Variants in ADGRL3 observed in about 807,000 individuals in gnomAD.
The protein encoded by ADGRL3 is adhesion G protein-coupled receptor L3, also known as calcium-independent alpha-latrotoxin receptor 3.
In ADGRL3, 62 loss-of-function variants were observed where a neutral mutation model predicts 153.5. The ratio of observed to expected loss-of-function variants is 0.40; its 90% CI spans 0.33 to 0.50. ADGRL3 has a LOEUF of 0.50. ADGRL3 is among the 20% of genes least tolerant of loss of function. The probability of loss-of-function intolerance (pLI) is 0.47; values close to 1 mark genes in which losing one functional copy is unlikely to be tolerated. For synonymous variants in ADGRL3, 710 were observed against 672.5 expected, an observed-to-expected ratio of 1.06 and a Z score of -0.86; for missense variants, 1,641 against 1,859.4, an observed-to-expected ratio of 0.88 and a Z score of 2.16.
At chr4:62,044,590 T>A in intron 25 of ADGRL3, 41 bp downstream of exon 25, 1 of 1,336,742 alleles carries the variant, frequency 7.5e-7, no homozygotes, top group Non-Finnish European at 1.0e-6. Context: ...CTTTTCTGAT[T>A]ACTTTAAGAA....
chr4:62,063,613 T>A (rs988117424), intron 25 of ADGRL3: 3 of 698,660 alleles, frequency 4.3e-6, no homozygotes, highest in Non-Finnish European at 7.8e-6. Context: ...AACCCTTCTG[T>A]CAGCATGTAC....
intron 2 of ADGRL3, among the ~76,000 whole-genome samples, chr4:61,437,416 G>A (rs1014543684): frequency 2.0e-5 from 3 of 152,044 alleles, no homozygotes; most frequent in African/African-American, 7.2e-5. Flanking sequence ...TATTTCCTTG[G>A]CCAGGATAAA....
intron 6 of ADGRL3, among the ~76,000 whole-genome samples, chr4:61,691,323 C>CA (rs2095535870): frequency 6.6e-6 from 1 of 152,026 alleles, no homozygotes; most frequent in Non-Finnish European, 1.5e-5. Flanking sequence ...AGCTGTTTAC[C>CA]AAAAATCCCA....
chr4:61,889,755 A>T (rs2098558860), intron 9 of ADGRL3, among the ~76,000 whole-genome samples: 1 of 152,164 alleles, frequency 6.6e-6, no homozygotes, highest in African/African-American at 2.4e-5. Context: ...GCAAGCAAAA[A>T]TCTTGTGGTG....
At chr4:61,595,729 G>A (rs2098986374) in intron 5 of ADGRL3, among the ~76,000 whole-genome samples, 1 of 152,066 alleles carries the variant, frequency 6.6e-6, no homozygotes, top group African/African-American at 2.4e-5. Flanking sequence ...CCTAGCACTA[G>A]GAATTGCAGT....
chr4:61,997,394 C>A (rs1581802205), intron 20 of ADGRL3, among the ~76,000 whole-genome samples: 1 of 152,040 alleles, frequency 6.6e-6, no homozygotes, highest in African/African-American at 2.4e-5. Flanking sequence ...TAACAACCTT[C>A]ATTTTGCAGA....
chr4:61,291,830 T>C (rs967571335), intron 1 of ADGRL3, among the ~76,000 whole-genome samples: 5 of 147,474 alleles, frequency 3.4e-5, no homozygotes, highest in African/African-American at 1.3e-4. Flanking sequence ...AAGAGTGTAA[T>C]TATTATCACA....
chr4:61,607,549 G>A (rs1351964825), intron 5 of ADGRL3, among the ~76,000 whole-genome samples: 5 of 152,026 alleles, frequency 3.3e-5, no homozygotes, highest in East Asian at 3.9e-4. Context: ...GCAGTGAGCC[G>A]AGATTGCATC....
chr4:61,836,611 C>A (rs1332537222), intron 9 of ADGRL3, among the ~76,000 whole-genome samples: 2 of 151,956 alleles, frequency 1.3e-5, no homozygotes, highest in Non-Finnish European at 2.9e-5. Flanking sequence ...ATGTAAAACC[C>A]AAATGTCTTC....
chr4:61,640,781 T>C (rs1289441837), intron 5 of ADGRL3, among the ~76,000 whole-genome samples: 1 of 152,176 alleles, frequency 6.6e-6, no homozygotes, highest in Non-Finnish European at 1.5e-5. Context: ...TCATTGTCAT[T>C]CTTGAGTGCT....
chr4:61,655,492 A>G (rs1451861666), intron 5 of ADGRL3, among the ~76,000 whole-genome samples: 1 of 152,168 alleles, frequency 6.6e-6, no homozygotes, highest in Non-Finnish European at 1.5e-5. Context: ...AACTATAATA[A>G]ATTAAATTAA....
At chr4:61,536,434 T>C (rs1366402232) in intron 4 of ADGRL3, among the ~76,000 whole-genome samples, 2 of 152,096 alleles carry the variant, frequency 1.3e-5, no homozygotes, top group African/African-American at 2.4e-5. Flanking sequence ...CTGAGTTTCT[T>C]TGTTTTCTGC....
chr4:61,979,703 G>A lies in ADGRL3; in HGVS notation c.2946G>A (p.Lys982=). The A allele has an allele frequency of 1.2e-6, 2 of 1,613,978 alleles. No homozygotes were observed. The highest frequency in any genetic ancestry group is 1.7e-6 in the Non-Finnish European group (2 of 1,179,938). Reference sequence around the variant, plus strand: ...AGAGTGACCGTAACACCATCCACAAGAACCTCTGCATCAGTCTCTTTGTAG... The same window carrying A: ...AGAGTGACCGTAACACCATCCACAAAAACCTCTGCATCAGTCTCTTTGTAG... ...GLQSDRNTIH[K]NLCISLFVAE... Residue 982 remains lysine (K), a synonymous_variant, in exon 18 of 27, where the codon AAG becomes AAA. Transcript: ENST00000683033.
At chr4:61,782,447 C>T (rs576739229) in intron 8 of ADGRL3, among the ~76,000 whole-genome samples, 2 of 152,230 alleles carry the variant, frequency 1.3e-5, no homozygotes, top group East Asian at 3.9e-4. Context: ...GACTTTAAGA[C>T]ATGAGTTTTA....
intron 4 of ADGRL3, among the ~76,000 whole-genome samples, chr4:61,578,232 T>A (rs2149244640): frequency 6.6e-6 from 1 of 152,214 alleles, no homozygotes; most frequent in East Asian, 1.9e-4. Flanking sequence ...GACTTTCTCG[T>A]TCATGCCTTC....
At chr4:61,429,553 T>C (rs1441152782) in intron 2 of ADGRL3, among the ~76,000 whole-genome samples, 1 of 152,112 alleles carries the variant, frequency 6.6e-6, no homozygotes, top group Non-Finnish European at 1.5e-5. Context: ...TAGCTTAGAC[T>C]TGGAGGAAAA....
chr4:61,700,514 A>C (rs995421677), intron 6 of ADGRL3, among the ~76,000 whole-genome samples: 2 of 152,196 alleles, frequency 1.3e-5, no homozygotes, highest in African/African-American at 2.4e-5. Flanking sequence ...TAACTGAATT[A>C]GCAGATGAAT....
chr4:61,989,172 A>G (rs893323884), intron 19 of ADGRL3, among the ~76,000 whole-genome samples: 2 of 152,112 alleles, frequency 1.3e-5, no homozygotes, highest in South Asian at 2.1e-4. Flanking sequence ...GAAAGAGGTT[A>G]GTTAAGGAAG....
intron 2 of ADGRL3, among the ~76,000 whole-genome samples, chr4:61,468,531 A>T (rs1192539965): frequency 2.0e-5 from 3 of 152,206 alleles, no homozygotes; most frequent in African/African-American, 7.2e-5. Context: ...ATTTCACTTT[A>T]TCAAAGCCTT....
Sources: gnomAD v4.1 joint callset for allele counts (sites outside exome capture counted in the v4.1 genomes callset) on GRCh38, gnomAD v4.1.1 for gene constraint, MANE v1.5 for transcripts, NCBI Gene and HGNC (gene_info 2026-07-23, HGNC 2026-07-21) for gene names.